Variants in CEP70 observed in about 807,000 individuals in gnomAD.
CEP70 encodes centrosomal protein 70.
Under a neutral mutation model 90.9 loss-of-function variants are expected in CEP70, and 70 were observed. The observed-to-expected ratio is 0.77, with a 90% CI of 0.64 to 0.94. The LOEUF (loss-of-function observed/expected upper bound fraction) is 0.94, where lower values mean the gene tolerates loss of function less well. Among genes scored for constraint, CEP70 ranks in the 40% least tolerant of loss-of-function variants. The pLI is 0.00. For synonymous variants in CEP70, 220 were observed against 228.3 expected (o/e 0.96, Z 0.33); for missense variants, 648 against 669.0 (o/e 0.97, Z 0.35).
intron 2 of CEP70, among the ~76,000 whole-genome samples, chr3:138,574,242 A>G (rs2041367698): frequency 6.6e-6 from 1 of 152,162 alleles, no homozygotes; most frequent in East Asian, 1.9e-4. Flanking sequence ...CTACCCAAAC[A>G]CTGCGCTTTT....
chr3:138,508,482 T>C lies in CEP70; in HGVS notation c.1007A>G (p.Lys336Arg). 1.9e-6 allele frequency: 3 copies of C among 1,613,156 alleles called. No homozygotes were observed. The highest frequency in any genetic ancestry group is 2.5e-6 in the Non-Finnish European group (3 of 1,179,280). Reference protein sequence around the residue: ...EDTEKKDEPSKYNQQQALIDQ... With the variant: ...EDTEKKDEPSRYNQQQALIDQ... ...AATTAGGGCCTGTTGCTGATTATATTTGCTGGGCTCATCTTTCTTCTCTGT... is the reference window on the plus strand; with the variant it reads ...AATTAGGGCCTGTTGCTGATTATATCTGCTGGGCTCATCTTTCTTCTCTGT... Residue 336 changes from lysine to arginine, a missense_variant, in exon 12 of 18, where the codon AAA becomes AGA. Transcript: ENST00000264982.
chr3:138,540,027 C>G (rs937556093), intron 6 of CEP70, among the ~76,000 whole-genome samples: 1 of 152,106 alleles, frequency 6.6e-6, no homozygotes. Context: ...AAATAGAAAA[C>G]CTACAGAATG....
At chr3:138,516,957 C>G (rs993198757) in intron 11 of CEP70, among the ~76,000 whole-genome samples, 23 of 152,202 alleles carry the variant, frequency 1.5e-4, no homozygotes, top group Admixed American at 9.8e-4. Context: ...CTGAGATCAA[C>G]TCTTTGAAAC....
chr3:138,538,327 C>T (rs758570816), intron 6 of CEP70, among the ~76,000 whole-genome samples: 9 of 152,152 alleles, frequency 5.9e-5, no homozygotes, highest in South Asian at 2.1e-4. Context: ...TCTACAGGTT[C>T]GCTGGGTATG....
At chr3:138,530,808 C>A (rs558311550) in intron 8 of CEP70, 2 of 984,866 alleles carry the variant, frequency 2.0e-6, no homozygotes, top group Admixed American at 1.2e-4. Flanking sequence ...ATACCTATAT[C>A]CTATTTGTAG....
chr3:138,516,430 G>A (rs1274295290), intron 11 of CEP70, among the ~76,000 whole-genome samples: 2 of 152,174 alleles, frequency 1.3e-5, no homozygotes, highest in Non-Finnish European at 2.9e-5. Context: ...CTGTTGCCCA[G>A]GCTGGAGTGC....
rs1302858452 is a variant in CEP70 at position 138,500,497 on chromosome 3, G to A, written c.1439C>T (p.Pro480Leu). 1.2e-6 allele frequency: 2 copies of A among 1,612,616 alleles called. No individual in the cohort carries two copies. The highest frequency in any genetic ancestry group is 3.3e-5 in the Admixed American group (2 of 59,764). Residue 480 changes from proline to leucine, a missense_variant, in exon 15 of 18, where the codon CCT becomes CTT. Transcript: ENST00000264982. ...VSHFQKLFDV[P>L]SLNGVYPRMN... is the part of the protein sequence containing the mutation. ...TCGGGGATAGACTCCATTTAAAGAA[G>A]GCACATCAAATAACTTTTGGAAGTG...
rs183530222 is a variant in CEP70 at position 138,570,473 on chromosome 3, G to A, written c.310C>T (p.Arg104Ter). 6.3e-5 allele frequency: 101 copies of A among 1,605,902 alleles called. No homozygotes were observed. The highest frequency in any genetic ancestry group is 5.2e-5 in the Admixed American group (3 of 58,192). Reference sequence around the variant, plus strand: ...GCTCGTTGTTCTTGATTGGCTGCTCGGCTTTGCTCTAGCTGAAGTTCATTT... The same window carrying A: ...GCTCGTTGTTCTTGATTGGCTGCTCAGCTTTGCTCTAGCTGAAGTTCATTT... ...LRNELQLEQSRAANQEQRAND... is the reference protein window; with the variant it reads ...LRNELQLEQS The change falls in exon 6 of 18, where the codon CGA becomes TGA. Residue 104 changes from arginine to a stop codon, truncating the protein, a stop_gained. Transcript: ENST00000264982. LOFTEE classifies it high-confidence loss of function.
intron 8 of CEP70, chr3:138,530,485 G>T: frequency 2.2e-6 from 1 of 450,216 alleles, no homozygotes; most frequent in Non-Finnish European, 2.9e-6. Context: ...TTTTACACAT[G>T]TGCATATAGT....
At chr3:138,560,730 TCA>T (rs1418027016) in intron 6 of CEP70, among the ~76,000 whole-genome samples, 1 of 152,046 alleles carries the variant, frequency 6.6e-6, no homozygotes, top group Non-Finnish European at 1.5e-5. Context: ...GCAGTTTTAC[TCA>T]CAGTATAAAC....
At chr3:138,556,013 G>C (rs1673593) in intron 6 of CEP70, among the ~76,000 whole-genome samples, 89,908 of 152,080 alleles carry the variant, frequency 0.59, 27,133 homozygotes, top group East Asian at 0.94. Context: ...AAATGTGGAA[G>C]CAGCTGAAAT....
intron 6 of CEP70, among the ~76,000 whole-genome samples, chr3:138,544,191 G>A (rs766665501): frequency 3.6e-4 from 55 of 151,192 alleles, no homozygotes; most frequent in Non-Finnish European, 6.8e-4. Context: ...TAAATCTCAT[G>A]GTAACTACAA....
At chr3:138,503,067 A>G (rs1455776313) in intron 13 of CEP70, among the ~76,000 whole-genome samples, 1 of 152,208 alleles carries the variant, frequency 6.6e-6, no homozygotes, top group African/African-American at 2.4e-5. Context: ...AACAATTTTT[A>G]AATGTAAGTT....
chr3:138,550,356 T>C (rs1238689733), intron 6 of CEP70, among the ~76,000 whole-genome samples: 7 of 152,192 alleles, frequency 4.6e-5, no homozygotes, highest in Non-Finnish European at 7.4e-5. Context: ...AAAGATTGCA[T>C]ACATTTTTTG....
At chr3:138,576,500 A>C (rs12637327) in intron 2 of CEP70, among the ~76,000 whole-genome samples, 7 of 152,156 alleles carry the variant, frequency 4.6e-5, no homozygotes, top group Admixed American at 1.3e-4. Context: ...CACAATAATA[A>C]TAGGAGACTT....
At chr3:138,583,153 G>A (rs1388291427) in intron 2 of CEP70, among the ~76,000 whole-genome samples, 1 of 152,156 alleles carries the variant, frequency 6.6e-6, no homozygotes, top group Non-Finnish European at 1.5e-5. Flanking sequence ...CAGTATAGCA[G>A]GAGTAGCTAT....
intron 6 of CEP70, among the ~76,000 whole-genome samples, chr3:138,569,003 A>C (rs1239571946): frequency 1.1e-4 from 16 of 151,704 alleles, no homozygotes; most frequent in South Asian, 2.1e-4. Flanking sequence ...ACAAAAAAAA[A>C]ACACAAAAAA....
At chr3:138,497,866 A>T in intron 17 of CEP70, 165 bp downstream of exon 17, 1 of 985,408 alleles carries the variant, frequency 1.0e-6, no homozygotes, top group Non-Finnish European at 1.2e-6. Context: ...TCTATGGACT[A>T]ATCCAAACAA....
intron 7 of CEP70, among the ~76,000 whole-genome samples, chr3:138,534,488 T>C (rs991113027): frequency 1.3e-5 from 2 of 152,218 alleles, no homozygotes; most frequent in African/African-American, 2.4e-5. Flanking sequence ...TTCTGAGTGA[T>C]TGTAACCAAT....
Sources: allele counts gnomAD v4.1 joint callset (sites outside exome capture counted in the v4.1 genomes callset), GRCh38; gene constraint gnomAD v4.1.1; transcripts MANE v1.5; gene names NCBI Gene and HGNC (gene_info 2026-07-23, HGNC 2026-07-21).